QRICH2: variants seen among roughly 807,000 people sequenced by gnomAD.
QRICH2 encodes glutamine rich 2, also known as glutamine-rich protein 2.
A neutral mutation model predicts 168.3 loss-of-function variants in QRICH2; 119 were observed. The ratio of observed to expected loss-of-function variants is 0.71; its 90% CI spans 0.61 to 0.82. The LOEUF is 0.82. QRICH2 is among the 40% of genes least tolerant of loss of function. The probability of loss-of-function intolerance (pLI) is 0.00; values close to 1 mark genes in which losing one functional copy is unlikely to be tolerated. For missense variants in QRICH2, 2,241 were observed against 2,491.6 expected (o/e 0.90, Z 2.14); for synonymous variants, 894 against 951.2 (o/e 0.94, Z 1.11).
In QRICH2 at chr17:76,307,556, G is replaced by C. The variant is rs964109930; in HGVS notation, c.443C>G (p.Pro148Arg). ...SGLDLAALEWPEEQEVGVRAF... is the reference protein window; with the variant it reads ...SGLDLAALEWREEQEVGVRAF... ...CCGCACGCCCACCTCCTGCTCCTCC[G>C]GCCACTCTAGCGCGGCCAGGTCAAG... Residue 148 changes from proline to arginine, a missense_variant, in exon 1 of 19, where the codon CCG (proline) becomes CGG (arginine). Transcript: ENST00000680821. This position sits in a 1 kb window ranked among gnomAD's most constrained non-coding sequence, Gnocchi z 5.3. The C allele has an allele frequency of 5.6e-5, 89 of 1,587,138 alleles. No individual in the cohort carries two copies. Among genetic ancestry groups the C allele is most frequent in the Non-Finnish European group, 7.4e-5 (86 of 1,167,312 alleles).
chr17:76,281,087 A>G lies in QRICH2; in HGVS notation c.4264-134T>C. The G allele has an allele frequency of 8.0e-7, 1 of 1,247,866 alleles. No individual in the cohort carries two copies. The highest frequency in any genetic ancestry group is 2.5e-5 in the East Asian group (1 of 39,298). 77.3% of individuals were successfully genotyped at this position (1,247,866 alleles called of 1,614,324 possible). ...GCTGGGAGCGGTGGCTCATGCCTGTAGTCCTGGCACTTTGGGAAGCTGAGG... is the reference window on the plus strand; with the variant it reads ...GCTGGGAGCGGTGGCTCATGCCTGTGGTCCTGGCACTTTGGGAAGCTGAGG... On this transcript the variant is annotated intron_variant, in intron 8 of 18. Coordinates refer to ENST00000680821, the MANE Select transcript of QRICH2 (RefSeq NM_001388453.1). The surrounding 1 kb of genome is among the most constrained non-coding windows in gnomAD (Gnocchi z 4.4).
chr17:76,308,967 G>A (rs889546616), upstream of QRICH2, among the ~76,000 whole-genome samples: 15 of 149,688 alleles, frequency 1.0e-4, no homozygotes, highest in African/African-American at 3.7e-4. Flanking sequence ...GGCTGGTCTT[G>A]AACTCCCGAC....
At chr17:76,283,448 G>T (rs534722228) in intron 7 of QRICH2, among the ~76,000 whole-genome samples, 4 of 152,354 alleles carry the variant, frequency 2.6e-5, no homozygotes, top group South Asian at 2.1e-4. Flanking sequence ...TCCTGGGACA[G>T]CCAGACATGA....
intron 3 of QRICH2, among the ~76,000 whole-genome samples, chr17:76,297,643 TGA>T: frequency 6.6e-6 from 1 of 152,192 alleles, no homozygotes; most frequent in African/African-American, 2.4e-5. Context: ...CTCAACCAAC[TGA>T]GACCAACTCA....
intron 1 of QRICH2, among the ~76,000 whole-genome samples, chr17:76,306,270 C>G (rs1048535136): frequency 1.3e-5 from 2 of 151,384 alleles, no homozygotes; most frequent in Non-Finnish European, 2.9e-5. Flanking sequence ...CTTCCCAGAG[C>G]AAAAGTGAGT....
At position 76,307,823 on chromosome 17, in the gene QRICH2, C is replaced by T; in HGVS notation, c.176G>A (p.Arg59His). ...DFQPSSPEPSRSLQSVRSSFS... is the reference protein window; with the variant it reads ...DFQPSSPEPSHSLQSVRSSFS... ...CGAGCTCCGGACGGACTGCAGCGAG[C>T]GGCTGGGCTCGGGCGACGAGGGCTG... is the stretch of plus-strand genomic sequence containing the variant. Residue 59 changes from arginine (R) to histidine (H), a missense_variant, in exon 1 of 19, where the codon CGC (arginine) becomes CAC (histidine). Around this residue, in one of 3 missense-constraint regions of QRICH2, gnomAD observed 2,047 missense variants for 2,303.8 expected, o/e 0.89. Coordinates refer to ENST00000680821, the MANE Select transcript of QRICH2 (RefSeq NM_001388453.1). This position sits in a 1 kb window ranked among gnomAD's most constrained non-coding sequence, Gnocchi z 5.3. 2.3e-6 allele frequency: 3 copies of T among 1,290,318 alleles called. No individual in the cohort carries two copies. The highest frequency in any genetic ancestry group is 2.9e-6 in the Non-Finnish European group (3 of 1,021,188). 79.9% of individuals were successfully genotyped at this position (1,290,318 alleles called of 1,614,324 possible).
chr17:76,278,268 T>C, intron 14 of QRICH2, 79 bp from the exon 15 acceptor site: 4 of 1,462,778 alleles, frequency 2.7e-6, no homozygotes, highest in Middle Eastern at 4.7e-4. Flanking sequence ...ATCCTTCAGT[T>C]CCGGGTCCCT....
At chr17:76,285,978 C>T (rs939604708) in intron 7 of QRICH2, among the ~76,000 whole-genome samples, 3 of 152,140 alleles carry the variant, frequency 2.0e-5, no homozygotes, top group Non-Finnish European at 4.4e-5. Flanking sequence ...TGAGACCATC[C>T]TGGCTAACAC....
chr17:76,303,485 T>A (rs1598504968), intron 3 of QRICH2, among the ~76,000 whole-genome samples: 2 of 152,294 alleles, frequency 1.3e-5, no homozygotes, highest in South Asian at 4.1e-4. Flanking sequence ...CCAGCTTGAT[T>A]TTAATCAGAT....
At chr17:76,305,160 G>C (rs2070972352) in intron 1 of QRICH2, among the ~76,000 whole-genome samples, 1 of 133,970 alleles carries the variant, frequency 7.5e-6, no homozygotes, top group African/African-American at 3.4e-5. Flanking sequence ...GGTTTTTTTG[G>C]TTTCCTTTTT....
chr17:76,300,270 G>A (rs992754402), intron 3 of QRICH2, among the ~76,000 whole-genome samples: 1 of 152,088 alleles, frequency 6.6e-6, no homozygotes, highest in African/African-American at 2.4e-5. Flanking sequence ...CCAGAGGTAA[G>A]AAAGCATGTG....
intron 14 of QRICH2, 72 bp from the exon 15 acceptor site, chr17:76,278,261 C>T (rs2070726516): frequency 1.3e-6 from 2 of 1,507,678 alleles, no homozygotes; most frequent in African/African-American, 1.4e-5. Flanking sequence ...AAGCCGAATC[C>T]TTCAGTTCCG....
chr17:76,286,936 G>T (rs1239066500), intron 7 of QRICH2, among the ~76,000 whole-genome samples: 1 of 151,658 alleles, frequency 6.6e-6, no homozygotes, highest in African/African-American at 2.4e-5. Flanking sequence ...GTGTTGTAGG[G>T]GTTCCTTTCC....
chr17:76,279,413 A>G lies in QRICH2; in HGVS notation c.4764T>C (p.His1588=), dbSNP rs201750466. The change falls in exon 13 of 19, where the codon CAT becomes CAC. Residue 1588 remains histidine, a synonymous_variant. Transcript: ENST00000680821. ...AAAMRRQLLA[H]FHCLSCDRPL... ...GCCGGTCACATGAGAGGCAGTGGAA[A>G]TGTGCCAGGAGCTGCCTGTTAGGAA... 17 of 1,612,106 alleles carry G rather than the reference A, an allele frequency of 1.1e-5. No individual in the cohort carries two copies. Among genetic ancestry groups the G allele is most frequent in the Non-Finnish European group, 1.4e-5 (17 of 1,179,176 alleles).
chr17:76,287,133 C>A (rs346786), intron 7 of QRICH2, 59 bp downstream of exon 7: 41,164 of 1,197,158 alleles, frequency 0.034, 1,808 homozygotes, highest in African/African-American at 0.17. Flanking sequence ...GAGGGCAGGG[C>A]CAAGCCAGCT....
chr17:76,310,235 G>A (rs2143436602), upstream of QRICH2: 1 of 148,338 alleles, frequency 6.7e-6, no homozygotes, highest in African/African-American at 2.6e-5. Context: ...GACCTCAAGT[G>A]ATCTGCCCAC....
chr17:76,279,999 G>T lies in QRICH2; in HGVS notation c.4748+34C>A, dbSNP rs370970215. ...CCTCTGCCCTCACCCCCTGAAGAGC[G>T]TGCCAGCCTCCTCCCCTGCCTCCCA... On this transcript the variant is annotated intron_variant, in intron 12 of 18. Transcript: ENST00000680821. 11 of 1,574,918 alleles carry T rather than the reference G, an allele frequency of 7.0e-6. No homozygotes were observed. In the East Asian group the frequency reaches 2.0e-4, roughly 29 times the overall value.
In QRICH2 at chr17:76,293,317, T is replaced by G; in HGVS notation, c.1410A>C (p.Ala470=). Residue 470 remains alanine (A), a synonymous_variant, in exon 4 of 19, where the codon GCA becomes GCC. Coordinates refer to ENST00000680821, the MANE Select transcript of QRICH2 (RefSeq NM_001388453.1). ...TDQHGLVSVS[A]YQHGMTFPGT... is the part of the protein sequence containing the mutation. ...CAGGAAATGTCATACCATGCTGATA[T>G]GCACTGACTGAAACCAGACCATGTT... 1 of 1,614,160 alleles carries G rather than the reference T, an allele frequency of 6.2e-7. No homozygotes were observed. The highest frequency in any genetic ancestry group is 8.5e-7 in the Non-Finnish European group (1 of 1,180,042).
At chr17:76,285,724 C>G (rs889711658) in intron 7 of QRICH2, among the ~76,000 whole-genome samples, 2 of 151,894 alleles carry the variant, frequency 1.3e-5, no homozygotes, top group Non-Finnish European at 2.9e-5. Flanking sequence ...TGGCAGGCAC[C>G]TGTAATCCCA....
Sources: allele counts gnomAD v4.1 joint callset (sites outside exome capture counted in the v4.1 genomes callset), GRCh38; gene constraint gnomAD v4.1.1; regional missense constraint gnomAD v4.1.1; non-coding constraint Gnocchi (gnomAD v3.1); transcripts MANE v1.5; gene names NCBI Gene and HGNC (gene_info 2026-07-23, HGNC 2026-07-21).